Variants in SRGAP1 observed in about 807,000 individuals in gnomAD.
SRGAP1 encodes SLIT-ROBO Rho GTPase-activating protein 1.
Under a neutral mutation model 121.9 loss-of-function variants are expected in SRGAP1, and 43 were observed. That is an observed-to-expected ratio of 0.35 (90% confidence interval 0.28 to 0.46). SRGAP1 has a LOEUF of 0.46. Among genes scored for constraint, SRGAP1 ranks in the 20% least tolerant of loss-of-function variants. SRGAP1 has a pLI of 1.00. For missense variants in SRGAP1, 1,102 were observed against 1,350.9 expected (o/e 0.82, Z 2.89); for synonymous variants, 447 against 485.4 (o/e 0.92, Z 1.04).
intron 1 of SRGAP1, among the ~76,000 whole-genome samples, chr12:63,874,388 AG>A (rs1899960478): frequency 6.6e-6 from 1 of 152,080 alleles, no homozygotes; most frequent in Non-Finnish European, 1.5e-5. Flanking sequence ...TATTTTTAAT[AG>A]TAACAGGGTT....
intron 1 of SRGAP1, among the ~76,000 whole-genome samples, chr12:63,929,825 T>C (rs2136336139): frequency 6.6e-6 from 1 of 152,274 alleles, no homozygotes; most frequent in South Asian, 2.1e-4. Flanking sequence ...TCAAAACATT[T>C]TTTTCTTTTT....
At position 63,869,067 on chromosome 12, in the gene SRGAP1, A is replaced by G. The variant is rs117059507; in HGVS notation, c.67+24184A>G. Among the ~76,000 whole-genome samples the G allele has an allele frequency of 1.4e-3, 211 of 152,282 alleles. 4 individuals carry two copies. In the East Asian group the frequency reaches 0.036, roughly 26 times the overall value. On this transcript the variant is annotated intron_variant, in intron 1 of 21. Coordinates refer to ENST00000355086, the MANE Select transcript of SRGAP1 (RefSeq NM_020762.4). ...GCATAATCCTCTCATTTGCTTCCAG[A>G]TAGGATATATATGTATCGTGTTAAG...
At chr12:63,897,009 C>T (rs1288624739) in intron 1 of SRGAP1, among the ~76,000 whole-genome samples, 1 of 152,166 alleles carries the variant, frequency 6.6e-6, no homozygotes, top group African/African-American at 2.4e-5. Context: ...CATGGGGCTA[C>T]ACGAGGGAGA....
intron 8 of SRGAP1, among the ~76,000 whole-genome samples, chr12:64,069,973 G>T (rs1053808888): frequency 5.3e-5 from 8 of 152,194 alleles, no homozygotes; most frequent in African/African-American, 1.7e-4. Context: ...CTGGGCTCAA[G>T]CAATCTTCCC....
At chr12:64,032,408 T>C (rs2034801100) in intron 4 of SRGAP1, 1 of 590,220 alleles carries the variant, frequency 1.7e-6, no homozygotes, top group South Asian at 1.8e-5. Context: ...AAACTCTGCC[T>C]CATCAGTCAG....
chr12:64,108,398 G>A (rs2036379594), intron 15 of SRGAP1, among the ~76,000 whole-genome samples: 1 of 152,134 alleles, frequency 6.6e-6, no homozygotes, highest in Non-Finnish European at 1.5e-5. Flanking sequence ...CTTAGTGCTT[G>A]AAACCTGGTG....
At chr12:63,953,721 A>T (rs2032370930) in intron 1 of SRGAP1, among the ~76,000 whole-genome samples, 1 of 152,018 alleles carries the variant, frequency 6.6e-6, no homozygotes, top group Non-Finnish European at 1.5e-5. Context: ...TGATTCCATC[A>T]TCTGGAAGAG....
chr12:63,942,689 T>G (rs745909455), intron 1 of SRGAP1, among the ~76,000 whole-genome samples: 3 of 152,226 alleles, frequency 2.0e-5, no homozygotes, highest in African/African-American at 4.8e-5. Flanking sequence ...TTGCTTCTGC[T>G]GCTTTTTTCT....
At chr12:63,922,108 A>G (rs2031080709) in intron 1 of SRGAP1, among the ~76,000 whole-genome samples, 1 of 151,356 alleles carries the variant, frequency 6.6e-6, no homozygotes, top group Non-Finnish European at 1.5e-5. Context: ...CCTCCCAAGT[A>G]GCTGAGGTTA....
chr12:63,969,386 C>T (rs2032874832), intron 1 of SRGAP1, among the ~76,000 whole-genome samples: 1 of 152,122 alleles, frequency 6.6e-6, no homozygotes. Flanking sequence ...CTCTTTCGTT[C>T]TAAAAGAAAA....
chr12:63,864,528 T>C (rs1165874227), intron 1 of SRGAP1, among the ~76,000 whole-genome samples: 2 of 152,174 alleles, frequency 1.3e-5, no homozygotes, highest in Admixed American at 1.3e-4. Flanking sequence ...AATTACTTAA[T>C]CTCATTCTGC....
At chr12:64,105,056 C>T (rs1162193248) in intron 15 of SRGAP1, among the ~76,000 whole-genome samples, 2 of 152,098 alleles carry the variant, frequency 1.3e-5, no homozygotes, top group Non-Finnish European at 1.5e-5. Context: ...AACAATAACT[C>T]CCCATCCTCC....
intron 1 of SRGAP1, among the ~76,000 whole-genome samples, chr12:63,896,416 C>T (rs2136301672): frequency 6.6e-6 from 1 of 152,238 alleles, no homozygotes. Context: ...CTCAGGGAAG[C>T]TGGTATGTGG....
chr12:64,050,598 A>C (rs2035219418), intron 6 of SRGAP1, among the ~76,000 whole-genome samples: 1 of 152,186 alleles, frequency 6.6e-6, no homozygotes, highest in South Asian at 2.1e-4. Context: ...CCACATTTCC[A>C]TTTGTGACCC....
At chr12:64,115,550 A>C (rs536189278) in intron 17 of SRGAP1, among the ~76,000 whole-genome samples, 1 of 152,306 alleles carries the variant, frequency 6.6e-6, no homozygotes, top group African/African-American at 2.4e-5. Context: ...AATTAAGCCC[A>C]GGAGTTTGAG....
Position 63,935,304 on chromosome 12 carries a change from G to GA in SRGAP1, c.68-48639dup, listed in dbSNP as rs1308101952. ...AACTCTGTTGGCAAAACCTGAGACCGAAAAGCAGATAAATTAGTCGAAGAC... is the reference window on the plus strand; with the variant it reads ...AACTCTGTTGGCAAAACCTGAGACCGAAAAAGCAGATAAATTAGTCGAAGAC... On this transcript the variant is annotated intron_variant, in intron 1 of 21. Coordinates refer to ENST00000355086, the MANE Select transcript of SRGAP1 (RefSeq NM_020762.4). Among the ~76,000 whole-genome samples the GA allele has an allele frequency of 3.9e-5, 6 of 152,268 alleles. 1 individual carries two copies. The South Asian group carries it at 1.0e-3, about 26-fold the overall frequency.
chr12:63,927,139 G>A (rs891233018), intron 1 of SRGAP1, among the ~76,000 whole-genome samples: 5 of 152,056 alleles, frequency 3.3e-5, no homozygotes, highest in African/African-American at 9.7e-5. Flanking sequence ...TCATCTTGAC[G>A]TCTGTTAGTA....
chr12:63,854,741 ATAC>A lies in SRGAP1; in HGVS notation c.67+9862_67+9864del, dbSNP rs528624467. 4.8e-3 allele frequency among the ~76,000 whole-genome samples: 735 copies of A among 152,318 alleles called. 9 individuals are homozygous for A. Among genetic ancestry groups the A allele is most frequent in the African/African-American group, 0.017 (703 of 41,554 alleles). The stretch of plus-strand genomic sequence containing the variant: ...TGCATAATATTCCAGTGCATAAAAA[ATAC>A]TACAAGCTATTGATTCATTCTATAT... On this transcript the variant is annotated intron_variant, in intron 1 of 21. Coordinates refer to ENST00000355086, the MANE Select transcript of SRGAP1 (RefSeq NM_020762.4).
intron 1 of SRGAP1, among the ~76,000 whole-genome samples, chr12:63,905,097 A>G (rs2030137792): frequency 2.0e-5 from 3 of 152,226 alleles, no homozygotes; most frequent in African/African-American, 7.2e-5. Flanking sequence ...AGATTATAAA[A>G]TTTAGGAAAT....
Sources: gnomAD v4.1 joint callset for allele counts (sites outside exome capture counted in the v4.1 genomes callset) on GRCh38, gnomAD v4.1.1 for gene constraint, MANE v1.5 for transcripts, NCBI Gene and HGNC (gene_info 2026-07-23, HGNC 2026-07-21) for gene names.